TBC1D4: variants seen among roughly 807,000 people sequenced by gnomAD.
The protein encoded by TBC1D4 is TBC (Tre-2, BUB2, CDC16) domain-containing protein.
TBC1D4 carries 121 observed loss-of-function variants against 142.5 expected under a neutral mutation model. The observed-to-expected ratio is 0.85, with a 90% CI of 0.73 to 0.99. The LOEUF is 0.99. TBC1D4 is among the 50% of genes least tolerant of loss of function. The probability of loss-of-function intolerance (pLI) is 0.00; values close to 1 mark genes in which losing one functional copy is unlikely to be tolerated. For synonymous variants in TBC1D4, 630 were observed against 628.2 expected (o/e 1.00, Z -0.04); for missense variants, 1,475 against 1,606.6 (o/e 0.92, Z 1.40).
At position 75,327,736 on chromosome 13, in the gene TBC1D4, A is replaced by G. The variant is rs117535827; in HGVS notation, c.1806+16T>C. On this transcript the variant is annotated intron_variant, in intron 9 of 20. Transcript: ENST00000377636. ...TGTTAAGTTGCAATTAGTGTAAACAAGCTCTAGTTAGATACCTTCTCTGAA... is the reference window on the plus strand; with the variant it reads ...TGTTAAGTTGCAATTAGTGTAAACAGGCTCTAGTTAGATACCTTCTCTGAA... The G allele has an allele frequency of 4.6e-5, 75 of 1,613,818 alleles. No individual in the cohort carries two copies. The East Asian group carries it at 7.8e-4, about 17-fold the overall frequency.
chr13:75,390,083 C>T (rs1884383529), intron 1 of TBC1D4, among the ~76,000 whole-genome samples: 1 of 151,902 alleles, frequency 6.6e-6, no homozygotes, highest in African/African-American at 2.4e-5. Context: ...CGAGACCAGC[C>T]TGGCCAACAT....
At chr13:75,386,331 T>C (rs971855) in intron 1 of TBC1D4, among the ~76,000 whole-genome samples, 149,503 of 151,838 alleles carry the variant, frequency 0.98, 73,646 homozygotes, top group East Asian at 1. Context: ...CTTATAAAAA[T>C]GCATGTTGTA....
intron 19 of TBC1D4, among the ~76,000 whole-genome samples, chr13:75,291,043 G>A (rs1875243368): frequency 6.6e-6 from 1 of 152,176 alleles, no homozygotes; most frequent in Non-Finnish European, 1.5e-5. Flanking sequence ...CTGAACGGCA[G>A]CAATATATAG....
chr13:75,310,526 G>A (rs111334258), intron 13 of TBC1D4, among the ~76,000 whole-genome samples: 2 of 152,134 alleles, frequency 1.3e-5, no homozygotes, highest in Non-Finnish European at 2.9e-5. Flanking sequence ...ATCTCCGAAG[G>A]TCTACATCGA....
At chr13:75,389,446 AG>A (rs770475678) in intron 1 of TBC1D4, among the ~76,000 whole-genome samples, 13 of 152,176 alleles carry the variant, frequency 8.5e-5, no homozygotes, top group Admixed American at 5.9e-4. Context: ...GGCTACTATT[AG>A]TTTTTTTAAT....
At chr13:75,356,295 A>G (rs935400142) in intron 3 of TBC1D4, 44 bp from the exon 4 acceptor site, 10 of 1,362,190 alleles carry the variant, frequency 7.3e-6, no homozygotes, top group East Asian at 2.3e-5. Context: ...ATGGGAATAT[A>G]TATTTTTTAC....
intron 1 of TBC1D4, among the ~76,000 whole-genome samples, chr13:75,469,895 T>G (rs1397213849): frequency 6.6e-6 from 1 of 152,228 alleles, no homozygotes; most frequent in Non-Finnish European, 1.5e-5. Context: ...CAAGTATATA[T>G]TCAAGTGCAG....
At chr13:75,431,187 T>C (rs1886578884) in intron 1 of TBC1D4, among the ~76,000 whole-genome samples, 1 of 152,234 alleles carries the variant, frequency 6.6e-6, no homozygotes, top group Non-Finnish European at 1.5e-5. Flanking sequence ...AGCTAGTTGA[T>C]ATAAAGAAGC....
rs148715173 is a variant in TBC1D4, at chr13:75,372,431, G to A, written c.499-9824C>T. 2.6e-3 allele frequency among the ~76,000 whole-genome samples: 401 copies of A among 152,134 alleles called. 2 individuals carry two copies. Among genetic ancestry groups the A allele is most frequent in the African/African-American group, 9.3e-3 (384 of 41,498 alleles). ...ATTACAGGCGCCCACCAGGATGCCC[G>A]GCTAATTTTTGTATTTTTAGTAGAA... On this transcript the variant is annotated intron_variant, in intron 1 of 20. Transcript: ENST00000377636.
chr13:75,353,117 G>A (rs1881752402), intron 4 of TBC1D4, among the ~76,000 whole-genome samples: 1 of 152,112 alleles, frequency 6.6e-6, no homozygotes, highest in South Asian at 2.1e-4. Context: ...TCAAGTAGTA[G>A]GAAGGCATTC....
intron 13 of TBC1D4, among the ~76,000 whole-genome samples, chr13:75,311,343 T>C (rs1279070636): frequency 6.6e-6 from 1 of 152,242 alleles, no homozygotes; most frequent in African/African-American, 2.4e-5. Context: ...CATCTAATTG[T>C]TCTGTGAAGC....
chr13:75,312,540 C>CTCAT (rs993278462), intron 13 of TBC1D4, among the ~76,000 whole-genome samples, 198 bp downstream of exon 13: 2 of 152,174 alleles, frequency 1.3e-5, no homozygotes, highest in African/African-American at 2.4e-5. Context: ...AACTGTCTCA[C>CTCAT]TCATTCATTC....
chr13:75,376,110 A>AT (rs1883490769), intron 1 of TBC1D4: 1 of 152,236 alleles, frequency 6.6e-6, no homozygotes, highest in South Asian at 2.1e-4. Context: ...GCTTCTAAAA[A>AT]GAAAGAACTC....
intron 1 of TBC1D4, among the ~76,000 whole-genome samples, chr13:75,371,068 T>C (rs1033728458): frequency 1.3e-5 from 2 of 151,484 alleles, no homozygotes; most frequent in African/African-American, 4.9e-5. Context: ...GTAAGAAAGG[T>C]TTCCAAAAGA....
At chr13:75,446,235 A>G (rs914488557) in intron 1 of TBC1D4, among the ~76,000 whole-genome samples, 2 of 152,240 alleles carry the variant, frequency 1.3e-5, no homozygotes, top group African/African-American at 4.8e-5. Context: ...ACTTTAAAAA[A>G]TTTAGGTAAA....
intron 1 of TBC1D4, among the ~76,000 whole-genome samples, chr13:75,371,021 G>T (rs565372204): frequency 1.2e-4 from 19 of 152,302 alleles, no homozygotes; most frequent in Admixed American, 5.2e-4. Context: ...GCAAGAGCCA[G>T]GTGTAAAACC....
intron 1 of TBC1D4, among the ~76,000 whole-genome samples, chr13:75,370,002 A>T (rs1593803532): frequency 6.6e-6 from 1 of 152,316 alleles, no homozygotes; most frequent in East Asian, 1.9e-4. Flanking sequence ...ATTTGGAAAG[A>T]CATAAAATTT....
chr13:75,407,208 A>G (rs1885389302), intron 1 of TBC1D4, among the ~76,000 whole-genome samples: 2 of 152,246 alleles, frequency 1.3e-5, no homozygotes, highest in Admixed American at 1.3e-4. Context: ...CAAACTCAAC[A>G]GCATTCCAAG....
Position 75,326,291 on chromosome 13 carries a change from G to C in TBC1D4, c.1939C>G (p.Pro647Ala), listed in dbSNP as rs1342136597. 1.9e-6 allele frequency: 3 copies of C among 1,614,126 alleles called. No homozygotes were observed. The highest frequency in any genetic ancestry group is 1.6e-4 in the Middle Eastern group (1 of 6,062). ...RRRAHTFSHP[P>A]SSTKRKLNLQ... The stretch of plus-strand genomic sequence containing the variant: ...TTCAGCTTTCTCTTTGTGCTTGAAG[G>C]TGGGTGGCTGAACGTGTGTGCCCGT... Residue 647 changes from proline (P) to alanine (A), a missense_variant, in exon 10 of 21, where the codon CCT becomes GCT. Transcript: ENST00000377636.
Sources: allele counts gnomAD v4.1 joint callset (sites outside exome capture counted in the v4.1 genomes callset), GRCh38; gene constraint gnomAD v4.1.1; transcripts MANE v1.5; gene names NCBI Gene and HGNC (gene_info 2026-07-23, HGNC 2026-07-21).